The following PTGER3 variants were observed in gnomAD, a reference collection of about 807,000 sequenced individuals.
PTGER3 encodes the protein prostaglandin E2 receptor EP3 subtype.
Under a neutral mutation model 34.7 loss-of-function variants are expected in PTGER3, and 22 were observed. The ratio of observed to expected loss-of-function variants is 0.63; its 90% CI spans 0.45 to 0.91. PTGER3 has a LOEUF of 0.91. PTGER3 is among the 40% of genes least tolerant of loss of function. The pLI, the probability that PTGER3 is intolerant of heterozygous loss-of-function variation, is 0.00. For synonymous variants in PTGER3, 241 were observed against 230.1 expected (o/e 1.05, Z -0.43); for missense variants, 468 against 519.4 (o/e 0.90, Z 0.96).
At chr1:70,930,376 C>T (rs1648568218) in intron 4 of PTGER3, among the ~76,000 whole-genome samples, 1 of 152,168 alleles carries the variant, frequency 6.6e-6, no homozygotes, top group East Asian at 1.9e-4. Context: ...TTTCTTCTCC[C>T]TCATATCTAA....
chr1:70,922,268 C>A (rs1427803440), intron 4 of PTGER3, among the ~76,000 whole-genome samples: 1 of 152,084 alleles, frequency 6.6e-6, no homozygotes, highest in Non-Finnish European at 1.5e-5. Flanking sequence ...ATGGTAAATT[C>A]TTGTCCTAAA....
At chr1:71,036,826 G>C (rs1026734799) in intron 1 of PTGER3, among the ~76,000 whole-genome samples, 3 of 144,234 alleles carry the variant, frequency 2.1e-5, no homozygotes, top group African/African-American at 7.5e-5. Flanking sequence ...GTGACAGAAC[G>C]AGACTTTGTC....
chr1:70,945,461 A>G (rs1415045223), intron 4 of PTGER3, among the ~76,000 whole-genome samples: 1 of 152,134 alleles, frequency 6.6e-6, no homozygotes, highest in African/African-American at 2.4e-5. Context: ...ACTCTGCTAG[A>G]CTGAACTGGG....
At chr1:70,933,930 TG>T in intron 4 of PTGER3, among the ~76,000 whole-genome samples, 1 of 152,108 alleles carries the variant, frequency 6.6e-6, no homozygotes, top group South Asian at 2.1e-4. Flanking sequence ...GACTCTTTCA[TG>T]GAAATTAATT....
At chr1:70,862,334 T>G (rs746685984) in intron 4 of PTGER3, 6 of 1,365,214 alleles carry the variant, frequency 4.4e-6, no homozygotes, top group Non-Finnish European at 5.9e-6. Flanking sequence ...CACAGATACT[T>G]CATCCCAGGG....
At chr1:70,991,720 G>C (rs1055361245) in intron 2 of PTGER3, among the ~76,000 whole-genome samples, 1 of 152,076 alleles carries the variant, frequency 6.6e-6, no homozygotes, top group Non-Finnish European at 1.5e-5. Context: ...CATCATTAAG[G>C]CTTAACTGTT....
intron 4 of PTGER3, among the ~76,000 whole-genome samples, chr1:70,908,173 A>T (rs1257690676): frequency 6.6e-6 from 1 of 152,208 alleles, no homozygotes; most frequent in Non-Finnish European, 1.5e-5. Context: ...CATAGAGGCA[A>T]GGTGTCCCCG....
intron 4 of PTGER3, among the ~76,000 whole-genome samples, chr1:70,932,267 A>C (rs1057006823): frequency 6.6e-6 from 1 of 151,972 alleles, no homozygotes; most frequent in Admixed American, 6.6e-5. Flanking sequence ...AAAGCCATTC[A>C]TCAAGTCTCT....
At chr1:70,902,232 A>G (rs1020905548) in intron 4 of PTGER3, among the ~76,000 whole-genome samples, 1 of 152,202 alleles carries the variant, frequency 6.6e-6, no homozygotes, top group East Asian at 1.9e-4. Flanking sequence ...AATTTACACC[A>G]CTGAAAAGGC....
At chr1:70,914,140 A>ATG (rs1402928094) in intron 4 of PTGER3, among the ~76,000 whole-genome samples, 1 of 151,728 alleles carries the variant, frequency 6.6e-6, no homozygotes, top group Non-Finnish European at 1.5e-5. Flanking sequence ...TTCTAATATT[A>ATG]TGTGTGTGTG....
intron 2 of PTGER3, among the ~76,000 whole-genome samples, chr1:70,992,355 GT>G (rs1257839958): frequency 6.6e-6 from 1 of 152,156 alleles, no homozygotes; most frequent in Non-Finnish European, 1.5e-5. Context: ...TGATATCCTT[GT>G]TTTTTTGGAA....
At chr1:71,040,045 G>T (rs1414983935) in intron 1 of PTGER3, among the ~76,000 whole-genome samples, 2 of 148,398 alleles carry the variant, frequency 1.3e-5, no homozygotes, top group Non-Finnish European at 3.0e-5. Context: ...CAGAAAGAAA[G>T]AGAGAGAGAG....
intron 4 of PTGER3, among the ~76,000 whole-genome samples, chr1:70,904,459 G>A (rs1302414820): frequency 1.3e-5 from 2 of 152,194 alleles, no homozygotes; most frequent in African/African-American, 4.8e-5. Context: ...CTAGAGACTT[G>A]TTAAATGGCT....
chr1:70,949,933 T>A (rs1056896355), downstream of PTGER3, among the ~76,000 whole-genome samples: 5 of 151,980 alleles, frequency 3.3e-5, no homozygotes, highest in Non-Finnish European at 7.4e-5. Flanking sequence ...CCTCTGCAAA[T>A]CCAGATCAAC....
At chr1:70,865,542 C>G in intron 4 of PTGER3, 1 of 1,069,706 alleles carries the variant, frequency 9.3e-7, no homozygotes, top group Non-Finnish European at 1.2e-6. Context: ...CTTCAGGGTT[C>G]TTGACTTATA....
chr1:70,996,884 G>T (rs558578357), intron 2 of PTGER3, among the ~76,000 whole-genome samples: 2 of 151,996 alleles, frequency 1.3e-5, no homozygotes, highest in Non-Finnish European at 2.9e-5. Flanking sequence ...GGATGGTCTC[G>T]ATCTCCTGAC....
chr1:70,972,718 G>C (rs896725139), intron 3 of PTGER3, among the ~76,000 whole-genome samples: 1 of 151,776 alleles, frequency 6.6e-6, no homozygotes, highest in Admixed American at 6.6e-5. Context: ...ATTTGCAAAT[G>C]GTCTGAGAAA....
intron 4 of PTGER3, among the ~76,000 whole-genome samples, chr1:70,946,942 T>C (rs954925982): frequency 5.9e-5 from 9 of 152,098 alleles, no homozygotes; most frequent in Admixed American, 5.2e-4. Flanking sequence ...CCAGGTGCAG[T>C]AACTCCATAA....
At chr1:70,911,078 TA>T (rs58300413) in intron 4 of PTGER3, among the ~76,000 whole-genome samples, 33,704 of 142,828 alleles carry the variant, frequency 0.24, 4,053 homozygotes, top group East Asian at 0.48. Context: ...AGACTCCATT[TA>T]AAAAAAAAAA....
Sources: gnomAD v4.1 joint callset for allele counts (sites outside exome capture counted in the v4.1 genomes callset) on GRCh38, gnomAD v4.1.1 for gene constraint, MANE v1.5 for transcripts, NCBI Gene and HGNC (gene_info 2026-07-23, HGNC 2026-07-21) for gene names.